Variants in RIC3 observed in about 807,000 individuals in gnomAD.
RIC3 encodes the protein RIC3 acetylcholine receptor chaperone.
In RIC3, 28 loss-of-function variants were observed where a neutral mutation model predicts 27.3. That is an observed-to-expected ratio of 1.02 (90% CI 0.76 to 1.41). The LOEUF is 1.41. Among genes scored for constraint, RIC3 ranks in the 40% most tolerant of loss-of-function variants. The pLI is 0.00. For missense variants in RIC3, 501 were observed against 444.7 expected, an observed-to-expected ratio of 1.13 and a Z score of -1.14; for synonymous variants, 184 against 160.4, an observed-to-expected ratio of 1.15 and a Z score of -1.11.
At position 8,108,983 on chromosome 11, in the gene RIC3, C is replaced by T. The variant is rs1224559161; in HGVS notation, c.*1715G>A. ...AGAGCACCTGTTATTTTTCACCTTT[C>T]GTGTACAATACATCTAGATTGCATT... On this transcript the variant is annotated 3_prime_UTR_variant, in exon 6 of 6. Transcript: ENST00000309737. The T allele has an allele frequency of 6.6e-6, 1 of 152,192 alleles. No homozygotes were observed. The highest frequency in any genetic ancestry group is 2.4e-5 in the African/African-American group (1 of 41,434). The allele number at this position is 152,192 out of a possible 1,614,324, so 9.4% of individuals were successfully genotyped here. A position where few individuals can be genotyped will look rare whatever the true frequency, so the allele number is the denominator to read the frequency against.
At chr11:8,101,853 CAT>C, downstream of RIC3, 2 of 581,752 alleles carry the variant, frequency 3.4e-6, no homozygotes, top group South Asian at 2.6e-5. Flanking sequence ...TAATTCTTTC[CAT>C]GCCACGAGAT....
chr11:8,100,695 A>AG, the RIC3 span: 658,249 of 1,481,596 alleles, frequency 0.44, 149,964 homozygotes, highest in African/African-American at 0.51. Context: ...GTGTATGTGG[A>AG]GGGGTACCAT....
chr11:8,163,654 A>G (rs939297191), intron 1 of RIC3, among the ~76,000 whole-genome samples: 2 of 152,092 alleles, frequency 1.3e-5, no homozygotes, highest in African/African-American at 4.8e-5. Flanking sequence ...ACAAAATAAG[A>G]CTTTCACACT....
At chr11:8,100,440 C>T in the RIC3 span, 3 of 1,316,594 alleles carry the variant, frequency 2.3e-6, no homozygotes, top group Non-Finnish European at 3.3e-6. Context: ...TTCCCGTCCC[C>T]CCCACCTTCT....
intron 3 of RIC3, 59 bp downstream of exon 3, chr11:8,138,213 T>G: frequency 8.3e-7 from 1 of 1,197,960 alleles, no homozygotes; most frequent in South Asian, 1.2e-5. Flanking sequence ...ACTGTCCCTG[T>G]GGCTATAAAA....
At chr11:8,153,490 T>A in intron 1 of RIC3, 1 of 431,556 alleles carries the variant, frequency 2.3e-6, no homozygotes, top group East Asian at 7.2e-5. Context: ...TCTGAATAAA[T>A]CCTTGTCAAA....
downstream of RIC3, chr11:8,104,470 G>T (rs1590015921): frequency 2.0e-5 from 3 of 152,252 alleles, no homozygotes; most frequent in African/African-American, 7.2e-5. Flanking sequence ...GGGGAAAAGG[G>T]CAATCAGCAA....
chr11:8,143,214 A>C (rs1032658511), intron 1 of RIC3, among the ~76,000 whole-genome samples: 2 of 150,984 alleles, frequency 1.3e-5, no homozygotes, highest in Admixed American at 1.3e-4. Flanking sequence ...AGGGTATTCA[A>C]TTAGGAAAAG....
chr11:8,112,345 G>C (rs1165653853), intron 5 of RIC3, among the ~76,000 whole-genome samples: 1 of 150,040 alleles, frequency 6.7e-6, no homozygotes, highest in Non-Finnish European at 1.5e-5. Flanking sequence ...CCAGGCTGGA[G>C]TGCAGTGGTG....
chr11:8,162,253 T>C (rs982723688), intron 1 of RIC3, among the ~76,000 whole-genome samples: 1 of 152,240 alleles, frequency 6.6e-6, no homozygotes, highest in Admixed American at 6.5e-5. Flanking sequence ...CAGGGTCTTT[T>C]CATTTACACA....
At chr11:8,148,097 T>C (rs1024679765) in intron 1 of RIC3, among the ~76,000 whole-genome samples, 3 of 152,212 alleles carry the variant, frequency 2.0e-5, no homozygotes, top group Admixed American at 6.5e-5. Flanking sequence ...GGTGGGCAGG[T>C]AGGCTTGGAA....
At chr11:8,105,363 CTGTAGGTT>C (rs1944510898), downstream of RIC3, 1 of 152,150 alleles carries the variant, frequency 6.6e-6, no homozygotes, top group Non-Finnish European at 1.5e-5. Context: ...GGGCTCTGGT[CTGTAGGTT>C]TGTAGTAGCC....
intron 1 of RIC3, among the ~76,000 whole-genome samples, chr11:8,155,024 G>C (rs184174207): frequency 1.2e-4 from 18 of 152,102 alleles, no homozygotes; most frequent in African/African-American, 3.6e-4. Flanking sequence ...TTCAAGACCA[G>C]TCTGGGCAAG....
In RIC3 at chr11:8,144,644, T is replaced by C. The variant is rs1949473204; in HGVS notation, c.125-4451A>G. On this transcript the variant is annotated intron_variant, in intron 1 of 5. Coordinates refer to ENST00000309737, the MANE Select transcript of RIC3 (RefSeq NM_001206671.4). ...TGGTGATTCCTCAGGGATCTAGAAC[T>C]AGAAATACCATTTGACCTAGCCATC... is the stretch of plus-strand genomic sequence containing the variant. Among the ~76,000 whole-genome samples, 6 of 152,168 alleles carry C rather than the reference T, an allele frequency of 3.9e-5. No homozygotes were observed. In the South Asian group the frequency reaches 1.2e-3, roughly 32 times the overall value.
rs1248170731 is a variant in RIC3 at position 8,112,938 on chromosome 11, C to A, written c.671-1801G>T. Among the ~76,000 whole-genome samples, 4 of 152,186 alleles carry A rather than the reference C, an allele frequency of 2.6e-5. No homozygotes were observed. In the East Asian group the frequency reaches 5.8e-4, roughly 22 times the overall value. On this transcript the variant is annotated intron_variant, in intron 5 of 5. Transcript: ENST00000309737. ...CCAAAGGGAATGGACATTATAAAAG[C>A]CTTTTTTATACTGTGCCAAATTACT...
intron 2 of RIC3, 77 bp downstream of exon 2, chr11:8,139,890 G>C (rs772986759): frequency 6.2e-6 from 8 of 1,297,842 alleles, no homozygotes; most frequent in Non-Finnish European, 8.7e-6. Context: ...ACTATAAGAA[G>C]TTTTAATGTA....
At position 8,110,965 on chromosome 11, in the gene RIC3, C is replaced by T. The variant is rs1396298772; in HGVS notation, c.843G>A (p.Leu281=). ...EESDHLGWES[L]PTDPRAQEDN... is the part of the protein sequence containing the mutation. ...CTTCCTGGGCTCTGGGGTCAGTGGG[C>T]AGACTTTCCCAACCCAAATGATCTG... The change falls in exon 6 of 6, where the codon CTG becomes CTA. Residue 281 remains leucine, a synonymous_variant. Transcript: ENST00000309737. 1 of 1,614,060 alleles carries T rather than the reference C, an allele frequency of 6.2e-7. No homozygotes were observed. Among genetic ancestry groups the T allele is most frequent in the Non-Finnish European group, 8.5e-7 (1 of 1,180,036 alleles).
At chr11:8,145,389 T>C (rs1286880806) in intron 1 of RIC3, among the ~76,000 whole-genome samples, 1 of 152,034 alleles carries the variant, frequency 6.6e-6, no homozygotes, top group Non-Finnish European at 1.5e-5. Flanking sequence ...CTGCAGACCA[T>C]TTCTCTAGCT....
At chr11:8,126,895 G>T in intron 4 of RIC3, 88 bp from the exon 5 acceptor site, 1 of 1,493,810 alleles carries the variant, frequency 6.7e-7, no homozygotes, top group Non-Finnish European at 9.3e-7. Flanking sequence ...CTGGGTACTG[G>T]AATAGAAAGT....
Sources: gnomAD v4.1 joint callset for allele counts (sites outside exome capture counted in the v4.1 genomes callset) on GRCh38, gnomAD v4.1.1 for gene constraint, MANE v1.5 for transcripts, NCBI Gene and HGNC (gene_info 2026-07-23, HGNC 2026-07-21) for gene names.